The following NSUN6 variants were observed in gnomAD, a reference collection of about 807,000 sequenced individuals.
NSUN6 encodes the protein tRNA (cytosine(72)-C(5))-methyltransferase NSUN6.
A neutral mutation model predicts 58.0 loss-of-function variants in NSUN6; 64 were observed. That is an observed-to-expected ratio of 1.10 (90% CI 0.90 to 1.36). NSUN6 has a LOEUF of 1.36. Among genes scored for constraint, NSUN6 ranks in the 40% most tolerant of loss-of-function variants. The pLI is 0.00. For synonymous variants in NSUN6, 231 were observed against 193.9 expected (o/e 1.19, Z -1.59); for missense variants, 701 against 550.1 (o/e 1.27, Z -2.74).
upstream of NSUN6, chr10:18,655,169 T>C: frequency 1.0e-6 from 1 of 981,446 alleles, no homozygotes; most frequent in Non-Finnish European, 1.2e-6. Context: ...GCTCGTATCC[T>C]TCCCACCTAA....
At chr10:18,615,128 T>TATATACACAC (rs562207637) in intron 4 of NSUN6, among the ~76,000 whole-genome samples, 55 of 148,054 alleles carry the variant, frequency 3.7e-4, no homozygotes, top group African/African-American at 1.3e-3. Context: ...TATATATATA[T>TATATACACAC]ACACACACAT....
At chr10:18,585,142 T>C (rs192574964) in intron 8 of NSUN6, among the ~76,000 whole-genome samples, 118 of 152,096 alleles carry the variant, frequency 7.8e-4, no homozygotes, top group African/African-American at 2.8e-3. Flanking sequence ...ATGGCCATCA[T>C]TAAAAACACA....
At chr10:18,566,822 C>G (rs1386483744) in intron 8 of NSUN6, among the ~76,000 whole-genome samples, 1 of 150,742 alleles carries the variant, frequency 6.6e-6, no homozygotes, top group African/African-American at 2.4e-5. Context: ...TACCATTTTT[C>G]ATTCCATTCC....
At chr10:18,580,570 G>C (rs1051219504) in intron 8 of NSUN6, among the ~76,000 whole-genome samples, 1 of 152,172 alleles carries the variant, frequency 6.6e-6, no homozygotes, top group Non-Finnish European at 1.5e-5. Context: ...AGGCACAGTA[G>C]GCTAAGAGTA....
intron 8 of NSUN6, among the ~76,000 whole-genome samples, chr10:18,576,727 A>T (rs1239085458): frequency 6.6e-6 from 1 of 152,124 alleles, no homozygotes; most frequent in Non-Finnish European, 1.5e-5. Flanking sequence ...GAGCTTAAGA[A>T]TTTTTAAGAG....
At chr10:18,546,228 T>C (rs911833249) in intron 10 of NSUN6, 83 bp from the exon 11 acceptor site, 74 of 984,374 alleles carry the variant, frequency 7.5e-5, no homozygotes, top group Admixed American at 2.9e-4. Flanking sequence ...AAAAGACAAA[T>C]TGGGCTGTAA....
At chr10:18,588,354 C>T (rs2057250715) in intron 7 of NSUN6, among the ~76,000 whole-genome samples, 1 of 152,334 alleles carries the variant, frequency 6.6e-6, no homozygotes, top group Middle Eastern at 3.4e-3. Context: ...CAGACTTAAT[C>T]TTTCCAGCCT....
At position 18,548,145 on chromosome 10, in the gene NSUN6, C is replaced by A; in HGVS notation, c.1164G>T (p.Leu388=). ...GAAGCTGAAGGCAAGGAAATTTTGT[C>A]AGGGCCCAGGCAACCTGTTCTTCAT... ...AENEEQVAWA[L]TKFPCLQLQP... is the part of the protein sequence containing the mutation. The change falls in exon 10 of 11, where the codon CTG becomes CTT. Residue 388 remains leucine, a synonymous_variant. Coordinates refer to ENST00000377304, the MANE Select transcript of NSUN6 (RefSeq NM_182543.5). 1 of 1,613,856 alleles carries A rather than the reference C, an allele frequency of 6.2e-7. No homozygotes were observed. Among genetic ancestry groups the A allele is most frequent in the Non-Finnish European group, 8.5e-7 (1 of 1,179,892 alleles).
intron 8 of NSUN6, among the ~76,000 whole-genome samples, chr10:18,562,261 CAGAATGGAATGGAATAGAATGG>C (rs2055571459): frequency 7.1e-6 from 1 of 141,598 alleles, no homozygotes; most frequent in Admixed American, 7.1e-5. Flanking sequence ...GACAGGAATG[CAGAATGGAATGGAATAGAATGG>C]AGAATGGAAT....
chr10:18,562,400 G>A (rs1589863371), intron 8 of NSUN6, among the ~76,000 whole-genome samples: 2 of 149,684 alleles, frequency 1.3e-5, no homozygotes, highest in East Asian at 2.0e-4. Flanking sequence ...GAAGGGAATG[G>A]AGAACGGAAT....
At position 18,565,934 on chromosome 10, in the gene NSUN6, C is replaced by T. The variant is rs1012402277; in HGVS notation, c.923-13963G>A. ...CCATTCTGCATTCCATTCCATTCTC[C>T]CTCCCATTCCCTTCCATTCTCCATT... is the stretch of plus-strand genomic sequence containing the variant. On this transcript the variant is annotated intron_variant, in intron 8 of 10. Transcript: ENST00000377304. Among the ~76,000 whole-genome samples, 5 of 148,224 alleles carry T rather than the reference C, an allele frequency of 3.4e-5. No homozygotes were observed. In the Admixed American group the frequency reaches 3.4e-4, roughly 10 times the overall value.
At chr10:18,567,843 C>G (rs1363695639) in intron 8 of NSUN6, among the ~76,000 whole-genome samples, 1 of 150,830 alleles carries the variant, frequency 6.6e-6, no homozygotes, top group African/African-American at 2.4e-5. Context: ...ATTCTCTACT[C>G]CATTCCATTT....
chr10:18,645,546 G>C (rs142427560), intron 2 of NSUN6, among the ~76,000 whole-genome samples: 1 of 152,148 alleles, frequency 6.6e-6, no homozygotes, highest in Non-Finnish European at 1.5e-5. Context: ...ACTGTAGCAT[G>C]TATCAGTTCA....
At chr10:18,625,108 C>A (rs1283212120) in intron 3 of NSUN6, among the ~76,000 whole-genome samples, 1 of 152,164 alleles carries the variant, frequency 6.6e-6, no homozygotes, top group Non-Finnish European at 1.5e-5. Context: ...CTGAGACAGC[C>A]TGTGTTTGGT....
chr10:18,630,704 G>A (rs990870753), intron 3 of NSUN6, among the ~76,000 whole-genome samples: 1 of 152,128 alleles, frequency 6.6e-6, no homozygotes, highest in African/African-American at 2.4e-5. Context: ...GACTAAACCA[G>A]GAAGAAGTTG....
chr10:18,602,621 T>A (rs928106976), intron 6 of NSUN6, among the ~76,000 whole-genome samples: 2 of 152,012 alleles, frequency 1.3e-5, no homozygotes, highest in African/African-American at 4.8e-5. Flanking sequence ...CCACCTGCCT[T>A]GGCCTCCCAA....
chr10:18,609,269 C>G (rs2058148440), intron 6 of NSUN6, among the ~76,000 whole-genome samples: 1 of 152,102 alleles, frequency 6.6e-6, no homozygotes, highest in Non-Finnish European at 1.5e-5. Context: ...TACGATTGTA[C>G]CACTGCACTC....
At chr10:18,621,473 A>T (rs775964028) in intron 3 of NSUN6, among the ~76,000 whole-genome samples, 6 of 152,242 alleles carry the variant, frequency 3.9e-5, no homozygotes, top group Non-Finnish European at 7.3e-5. Context: ...AAAACACAGT[A>T]TGTCATATGC....
intron 3 of NSUN6, among the ~76,000 whole-genome samples, chr10:18,621,873 T>C (rs2058618319): frequency 6.6e-6 from 1 of 152,202 alleles, no homozygotes; most frequent in Admixed American, 6.5e-5. Flanking sequence ...AAATGGAAGG[T>C]GATGGATGAA....
Sources: gnomAD v4.1 joint callset for allele counts (sites outside exome capture counted in the v4.1 genomes callset) on GRCh38, gnomAD v4.1.1 for gene constraint, MANE v1.5 for transcripts, NCBI Gene and HGNC (gene_info 2026-07-23, HGNC 2026-07-21) for gene names.